The following EML4 variants were observed in gnomAD, a reference collection of about 807,000 sequenced individuals.
EML4 encodes EMAP like 4.
In EML4, 72 loss-of-function variants were observed where a neutral mutation model predicts 129.0. The ratio of observed to expected loss-of-function variants is 0.56; its 90% CI spans 0.46 to 0.68. EML4 has a LOEUF of 0.68. EML4 is among the 30% of genes least tolerant of loss of function. The probability of loss-of-function intolerance (pLI) is 0.00; values close to 1 mark genes in which losing one functional copy is unlikely to be tolerated. For synonymous variants in EML4, 532 were observed against 405.0 expected (o/e 1.31, Z -3.77); for missense variants, 1,363 against 1,190.6 (o/e 1.14, Z -2.13).
chr2:42,201,517 T>G (rs1377992648), intron 1 of EML4, among the ~76,000 whole-genome samples: 2 of 152,192 alleles, frequency 1.3e-5, no homozygotes, highest in African/African-American at 2.4e-5. Flanking sequence ...CCAAAGGAAT[T>G]GAAACCATTA....
chr2:42,231,009 G>C lies in EML4; in HGVS notation c.26-14496G>C, dbSNP rs550808167. Among the ~76,000 whole-genome samples the C allele has an allele frequency of 1.2e-4, 19 of 152,250 alleles. No homozygotes were observed. The East Asian group carries it at 3.7e-3, about 29-fold the overall frequency. Reference sequence around the variant, plus strand: ...CATTTAAATAAAAACACCACTGTCAGCTTTGCAGACACTCTCTTCACCCCC... The same window carrying C: ...CATTTAAATAAAAACACCACTGTCACCTTTGCAGACACTCTCTTCACCCCC... On this transcript the variant is annotated intron_variant, in intron 1 of 22. Coordinates refer to ENST00000318522, the MANE Select transcript of EML4 (RefSeq NM_019063.5).
chr2:42,326,564 T>C (rs1379974450), intron 21 of EML4, among the ~76,000 whole-genome samples: 1 of 152,224 alleles, frequency 6.6e-6, no homozygotes, highest in Non-Finnish European at 1.5e-5. Flanking sequence ...TAGCTTGAGA[T>C]ACATGCCATA....
At position 42,301,285 on chromosome 2, in the gene EML4, G is replaced by T; in HGVS notation, c.1534G>T (p.Val512Leu). 6.2e-7 allele frequency: 1 copy of T among 1,613,132 alleles called. No individual in the cohort carries two copies. Among genetic ancestry groups the T allele is most frequent in the Non-Finnish European group, 8.5e-7 (1 of 1,179,580 alleles). The change falls in exon 14 of 23, where the codon GTG (valine) becomes TTG (leucine). Residue 512 changes from valine (V) to leucine (L), a missense_variant. By Grantham distance (32) the Val-to-Leu change is conservative. Coordinates refer to ENST00000318522, the MANE Select transcript of EML4 (RefSeq NM_019063.5). ...SKQIKAHDGS[V>L]FTLCQMRNGM... The stretch of plus-strand genomic sequence containing the variant: ...ACAAATCAAAGCTCATGATGGCAGT[G>T]TGTTCACACTTTGTCAGATGAGAAA...
intron 1 of EML4, among the ~76,000 whole-genome samples, chr2:42,194,331 T>A (rs1295907854): frequency 6.9e-6 from 1 of 144,510 alleles, no homozygotes; most frequent in East Asian, 2.2e-4. Context: ...TCTGTATTTT[T>A]CACTTCTCTC....
chr2:42,223,437 G>C (rs1340017155), intron 1 of EML4, among the ~76,000 whole-genome samples: 1 of 152,096 alleles, frequency 6.6e-6, no homozygotes, highest in East Asian at 1.9e-4. Context: ...TAAATCATTT[G>C]AACCTGTAAA....
intron 1 of EML4, among the ~76,000 whole-genome samples, chr2:42,184,529 T>G (rs1286364308): frequency 2.0e-5 from 3 of 152,112 alleles, no homozygotes; most frequent in African/African-American, 7.2e-5. Context: ...CACCTACCTT[T>G]CCAGCTTCAC....
chr2:42,299,730 C>T (rs1668173242), intron 13 of EML4, among the ~76,000 whole-genome samples: 1 of 152,140 alleles, frequency 6.6e-6, no homozygotes, highest in Non-Finnish European at 1.5e-5. Flanking sequence ...ACTCTTGTTG[C>T]CCAGGCTGGA....
Position 42,261,266 on chromosome 2 carries a change from G to C in EML4, c.484G>C (p.Glu162Gln). 4 of 1,613,554 alleles carry C rather than the reference G, an allele frequency of 2.5e-6. No homozygotes were observed. Among genetic ancestry groups the C allele is most frequent in the Non-Finnish European group, 3.4e-6 (4 of 1,179,702 alleles). The change falls in exon 4 of 23, where the codon GAA becomes CAA. Residue 162 changes from glutamate to glutamine, a missense_variant. Glu to Gln is a conservative substitution (Grantham distance 29). Transcript: ENST00000318522. Reference sequence around the variant, plus strand: ...TCTCCAAATACACAGACAAACTCCAGAAAGCAAGAATGCTACTCCCACCAA... The same window carrying C: ...TCTCCAAATACACAGACAAACTCCACAAAGCAAGAATGCTACTCCCACCAA... The part of the protein sequence containing the change: ...QPLQIHRQTP[E>Q]SKNATPTKSI...
intron 1 of EML4, among the ~76,000 whole-genome samples, chr2:42,241,846 T>C (rs1314685410): frequency 6.8e-6 from 1 of 146,364 alleles, no homozygotes; most frequent in Non-Finnish European, 1.5e-5. Flanking sequence ...CAGTGTAAAA[T>C]ATAGATTGTG....
At chr2:42,202,010 G>C (rs1351727047) in intron 1 of EML4, among the ~76,000 whole-genome samples, 1 of 152,060 alleles carries the variant, frequency 6.6e-6, no homozygotes, top group Non-Finnish European at 1.5e-5. Context: ...TTGAACTCGG[G>C]GGGCAGAGGT....
intron 17 of EML4, among the ~76,000 whole-genome samples, chr2:42,309,306 G>T (rs1404941052): frequency 6.6e-6 from 1 of 151,692 alleles, no homozygotes; most frequent in Non-Finnish European, 1.5e-5. Flanking sequence ...CTACTCAGGA[G>T]CCTGAGGTGG....
At chr2:42,170,543 C>T (rs1471638254) in intron 1 of EML4, among the ~76,000 whole-genome samples, 1 of 152,190 alleles carries the variant, frequency 6.6e-6, no homozygotes, top group African/African-American at 2.4e-5. Context: ...TGAAGGTAAT[C>T]TTCTGGCTAG....
intron 6 of EML4, among the ~76,000 whole-genome samples, chr2:42,267,559 A>T (rs1469410166): frequency 6.6e-6 from 1 of 152,236 alleles, no homozygotes; most frequent in Non-Finnish European, 1.5e-5. Context: ...GTAACAGAGA[A>T]TACTTTACCT....
intron 1 of EML4, among the ~76,000 whole-genome samples, chr2:42,209,033 C>G (rs891804041): frequency 2.6e-4 from 40 of 152,088 alleles, no homozygotes; most frequent in African/African-American, 6.8e-4. Context: ...GAGTCCATCG[C>G]TAGACACTAG....
chr2:42,234,962 G>T (rs1674567103), intron 1 of EML4, among the ~76,000 whole-genome samples: 1 of 152,188 alleles, frequency 6.6e-6, no homozygotes, highest in South Asian at 2.1e-4. Context: ...TTCAAGGCCA[G>T]CCTGGCCAAC....
At position 42,187,897 on chromosome 2, in the gene EML4, T is replaced by C. The variant is rs565188573; in HGVS notation, c.25+18261T>C. On this transcript the variant is annotated intron_variant, in intron 1 of 22. Transcript: ENST00000318522. ...TTTTTTCTTTTGTAGTTTATACTTTTTGTGTCCTACTTAAGGAATTTTTGC... is the reference window on the plus strand; with the variant it reads ...TTTTTTCTTTTGTAGTTTATACTTTCTGTGTCCTACTTAAGGAATTTTTGC... Among the ~76,000 whole-genome samples the C allele has an allele frequency of 1.8e-4, 27 of 152,320 alleles. 1 individual carries two copies. In the East Asian group the frequency reaches 4.2e-3, roughly 24 times the overall value.
At chr2:42,260,160 C>T (rs984041289) in intron 3 of EML4, among the ~76,000 whole-genome samples, 3 of 151,616 alleles carry the variant, frequency 2.0e-5, no homozygotes, top group Non-Finnish European at 2.9e-5. Flanking sequence ...CCACCACACC[C>T]GGGCTCTGTG....
At chr2:42,195,032 T>A (rs185450436) in intron 1 of EML4, among the ~76,000 whole-genome samples, 1 of 152,336 alleles carries the variant, frequency 6.6e-6, no homozygotes, top group Non-Finnish European at 1.5e-5. Flanking sequence ...TATAAAATTA[T>A]TAGTTATTTC....
At chr2:42,275,507 A>G (rs1035272036) in intron 6 of EML4, among the ~76,000 whole-genome samples, 11 of 152,352 alleles carry the variant, frequency 7.2e-5, no homozygotes, top group Admixed American at 3.9e-4. Context: ...TAGGAGAGCT[A>G]TAAGATTTCA....
Sources: allele counts gnomAD v4.1 joint callset (sites outside exome capture counted in the v4.1 genomes callset), GRCh38; gene constraint gnomAD v4.1.1; transcripts MANE v1.5; gene names NCBI Gene and HGNC (gene_info 2026-07-23, HGNC 2026-07-21).